CCNE2: variants seen among roughly 807,000 people sequenced by gnomAD.
CCNE2 encodes the protein cyclin E2.
CCNE2 carries 18 observed loss-of-function variants against 56.8 expected under a neutral mutation model. The observed-to-expected ratio is 0.32, with a 90% CI of 0.22 to 0.47. The LOEUF is 0.47. Ranked by LOEUF, CCNE2 falls within the 20% of genes least tolerant of loss-of-function variation. The pLI is 1.00. For synonymous variants in CCNE2, 139 were observed against 149.2 expected, an observed-to-expected ratio of 0.93 and a Z score of 0.50; for missense variants, 371 against 467.1, an observed-to-expected ratio of 0.79 and a Z score of 1.90.
chr8:94,889,022 C>T (rs1817135689), intron 6 of CCNE2, among the ~76,000 whole-genome samples: 1 of 152,108 alleles, frequency 6.6e-6, no homozygotes, highest in South Asian at 2.1e-4. Flanking sequence ...GTGGCCTGCG[C>T]CTGTAATCCC....
chr8:94,891,804 CAA>C (rs1055921893), intron 5 of CCNE2: 14 of 1,533,428 alleles, frequency 9.1e-6, no homozygotes, highest in Admixed American at 3.4e-5. Context: ...GTTGGTGGCC[CAA>C]AAAGAGTGCT....
rs1156351526 is a variant in CCNE2, at chr8:94,888,630, T to G, written c.454-557A>C. ...ACCTCTGCCTCCCAGGTTCAGGCGATTCTCCTACCTCAGCCTCCTGAGTAG... is the reference window on the plus strand; with the variant it reads ...ACCTCTGCCTCCCAGGTTCAGGCGAGTCTCCTACCTCAGCCTCCTGAGTAG... On this transcript the variant is annotated intron_variant, in intron 6 of 11. Coordinates refer to ENST00000308108, the MANE Select transcript of CCNE2 (RefSeq NM_057749.3). 2.0e-5 allele frequency among the ~76,000 whole-genome samples: 3 copies of G among 152,004 alleles called. No individual in the cohort carries two copies. In the East Asian group the frequency reaches 5.8e-4, roughly 29 times the overall value.
rs1025049633 is a variant in CCNE2, at chr8:94,886,611, G to C, written c.601-1053C>G. ...AGCTATTCCAGAGGCTGAGGTGGGA[G>C]GATCACTGTAGCCTCGGAGGTCGAG... On this transcript the variant is annotated intron_variant, in intron 7 of 11. Coordinates refer to ENST00000308108, the MANE Select transcript of CCNE2 (RefSeq NM_057749.3). Among the ~76,000 whole-genome samples, 121 of 152,302 alleles carry C rather than the reference G, an allele frequency of 7.9e-4. 2 individuals carry two copies. The highest frequency in any genetic ancestry group is 1.6e-3 in the Non-Finnish European group (107 of 68,028).
chr8:94,894,163 G>C, intron 2 of CCNE2, 44 bp from the exon 3 acceptor site: 2 of 1,613,238 alleles, frequency 1.2e-6, no homozygotes, highest in Non-Finnish European at 1.7e-6. Context: ...GTAAGTTAAA[G>C]GCAGCAACTA....
In CCNE2 at chr8:94,883,868, C is replaced by T. The variant is rs28399581; in HGVS notation, c.832-976G>A. The T allele has an allele frequency of 4.8e-3, 2,179 of 456,032 alleles. 40 individuals are homozygous for T. The highest frequency in any genetic ancestry group is 0.04 in the African/African-American group (2,006 of 50,162). The allele number at this position is 456,032 out of a possible 1,614,324, so 28.2% of individuals were successfully genotyped here. ...AAGATACTTGTGCAGTGGAATTAAA[C>T]TTCAATTCTGTTTGTCCTCATTGGT... On this transcript the variant is annotated intron_variant, in intron 9 of 11. Transcript: ENST00000308108.
At chr8:94,895,371 G>T, upstream of CCNE2, 1 of 507,572 alleles carries the variant, frequency 2.0e-6, no homozygotes, top group Non-Finnish European at 2.5e-6. Context: ...GAGCGGCCGT[G>T]GGGTCCACTC....
At chr8:94,885,252 C>T (rs774696168) in intron 8 of CCNE2, 51 bp from the exon 9 acceptor site, 27 of 1,515,870 alleles carry the variant, frequency 1.8e-5, no homozygotes, top group African/African-American at 2.8e-5. Flanking sequence ...ACACATACAC[C>T]ACATTATACA....
At position 94,881,483 on chromosome 8, in the gene CCNE2, G is replaced by C. The variant is rs971666954; in HGVS notation, c.*149C>G. 1 of 688,810 alleles carries C rather than the reference G, an allele frequency of 1.5e-6. No homozygotes were observed. Among genetic ancestry groups the C allele is most frequent in the African/African-American group, 1.8e-5 (1 of 55,282 alleles). 42.7% of individuals were successfully genotyped at this position (688,810 alleles called of 1,614,324 possible). ...TTAAATGTATTCTTTAGTGCCAATT[G>C]TAAGTTTTAAAATCAGAATGGCAGT... On this transcript the variant is annotated 3_prime_UTR_variant, in exon 12 of 12. Transcript: ENST00000308108.
chr8:94,893,604 G>C, intron 4 of CCNE2: 2 of 385,492 alleles, frequency 5.2e-6, no homozygotes, highest in Non-Finnish European at 9.3e-6. Flanking sequence ...AGGGAACAAA[G>C]AGCAGTATAT....
chr8:94,895,099 C>G, intron 1 of CCNE2, 78 bp downstream of exon 1: 1 of 851,664 alleles, frequency 1.2e-6, no homozygotes, highest in South Asian at 5.4e-5. Context: ...CTCCCTGAGG[C>G]TCCCGCCTGT....
intron 4 of CCNE2, 103 bp from the exon 5 acceptor site, chr8:94,893,072 T>C (rs1439373488): frequency 1.5e-5 from 14 of 929,536 alleles, no homozygotes; most frequent in Admixed American, 1.4e-4. Context: ...AGAATCATAA[T>C]TTTAGCTAAC....
At chr8:94,895,661 C>T (rs1817477166), upstream of CCNE2, 1 of 152,268 alleles carries the variant, frequency 6.6e-6, no homozygotes, top group South Asian at 2.1e-4. Flanking sequence ...GCCAAGGCCT[C>T]AGGGAACCCA....
At chr8:94,894,284 T>C (rs1817369834) in intron 1 of CCNE2, 37 bp from the exon 2 acceptor site, 2 of 1,603,496 alleles carry the variant, frequency 1.2e-6, no homozygotes, top group Admixed American at 3.3e-5. Context: ...GTCAAGTACA[T>C]TGTCATTCAC....
At chr8:94,896,342 G>A (rs1326468621), upstream of CCNE2, 2 of 146,602 alleles carry the variant, frequency 1.4e-5, no homozygotes, top group Admixed American at 6.7e-5. Context: ...GTTCGCGCCC[G>A]AGCGCTGTTG....
chr8:94,880,907 C>G lies in CCNE2; in HGVS notation c.*725G>C, dbSNP rs771074469. 36 of 398,582 alleles carry G rather than the reference C, an allele frequency of 9.0e-5. No individual in the cohort carries two copies. Among genetic ancestry groups the G allele is most frequent in the Non-Finnish European group, 1.5e-4 (33 of 225,934 alleles). 24.7% of individuals were successfully genotyped at this position (398,582 alleles called of 1,614,324 possible). A position where few individuals can be genotyped will look rare whatever the true frequency, so the allele number is the denominator to read the frequency against. On this transcript the variant is annotated 3_prime_UTR_variant, in exon 12 of 12. Coordinates refer to ENST00000308108, the MANE Select transcript of CCNE2 (RefSeq NM_057749.3). Reference sequence around the variant, plus strand: ...AAGCAACCTACATGTCAAGAAAGCCCCAGTTAGGAAGGAGCCACAGCATTT... The same window carrying G: ...AAGCAACCTACATGTCAAGAAAGCCGCAGTTAGGAAGGAGCCACAGCATTT...
At position 94,887,944 on chromosome 8, in the gene CCNE2, T is replaced by C. The variant is rs751231260; in HGVS notation, c.583A>G (p.Ile195Val). 3 of 1,579,750 alleles carry C rather than the reference T, an allele frequency of 1.9e-6. No individual in the cohort carries two copies. The highest frequency in any genetic ancestry group is 2.6e-6 in the Non-Finnish European group (3 of 1,168,076). Residue 195 changes from isoleucine to valine, a missense_variant, in exon 7 of 12, where the codon ATT becomes GTT. Physicochemically the swap from Ile to Val is conservative, Grantham distance 29. Coordinates refer to ENST00000308108, the MANE Select transcript of CCNE2 (RefSeq NM_057749.3). Reference protein sequence around the residue: ...LQLIGITSLFIASKLEEIYAP... With the variant: ...LQLIGITSLFVASKLEEIYAP... ...GAACTTACCTCAAGTTTGGAAGCAA[T>C]GAATAATGAGGTAATTCCAATGAGT...
chr8:94,888,598 C>T (rs1221633937), intron 6 of CCNE2, among the ~76,000 whole-genome samples: 2 of 151,410 alleles, frequency 1.3e-5, no homozygotes, highest in African/African-American at 4.9e-5. Context: ...TGCAGTGGCT[C>T]ACTGCAACCT....
At chr8:94,882,579 C>T (rs1816864090) in intron 10 of CCNE2, among the ~76,000 whole-genome samples, 1 of 152,190 alleles carries the variant, frequency 6.6e-6, no homozygotes, top group Admixed American at 6.5e-5. Context: ...TTCATTTCAA[C>T]TGTATTTAAA....
intron 6 of CCNE2, among the ~76,000 whole-genome samples, chr8:94,888,545 T>G (rs915130166): frequency 6.6e-6 from 1 of 152,100 alleles, no homozygotes; most frequent in Non-Finnish European, 1.5e-5. Context: ...ACCAGAGTTT[T>G]TTTTTTTTTT....
Sources: allele counts gnomAD v4.1 joint callset (sites outside exome capture counted in the v4.1 genomes callset), GRCh38; gene constraint gnomAD v4.1.1; transcripts MANE v1.5; gene names NCBI Gene and HGNC (gene_info 2026-07-23, HGNC 2026-07-21).